FBXL5: variants seen among roughly 807,000 people sequenced by gnomAD.
FBXL5 encodes F-box/LRR-repeat protein 5.
FBXL5 carries 26 observed loss-of-function variants against 78.3 expected under a neutral mutation model. The ratio of observed to expected loss-of-function variants is 0.33; its 90% CI spans 0.24 to 0.46. The LOEUF is 0.46. Among genes scored for constraint, FBXL5 ranks in the 20% least tolerant of loss-of-function variants. The pLI, the probability that FBXL5 is intolerant of heterozygous loss-of-function variation, is 1.00. For missense variants in FBXL5, 710 were observed against 829.2 expected (o/e 0.86, Z 1.77); for synonymous variants, 295 against 282.5 (o/e 1.04, Z -0.45).
intron 6 of FBXL5, among the ~76,000 whole-genome samples, chr4:15,628,319 G>T (rs1713276047): frequency 6.6e-6 from 1 of 152,172 alleles, no homozygotes; most frequent in South Asian, 2.1e-4. Flanking sequence ...CACAAAGCTA[G>T]AAAAGATTTG....
chr4:15,667,270 C>T (rs547196131), intron 1 of FBXL5, among the ~76,000 whole-genome samples: 1 of 152,288 alleles, frequency 6.6e-6, no homozygotes, highest in East Asian at 1.9e-4. Flanking sequence ...AAAACATGTA[C>T]AAGTACCTAG....
At chr4:15,655,077 A>T in intron 1 of FBXL5, 127 bp downstream of exon 1, 1 of 635,884 alleles carries the variant, frequency 1.6e-6, no homozygotes, top group Non-Finnish European at 2.1e-6. Context: ...ACAGCTGCGC[A>T]GGCGGCTACT....
At position 15,655,309 on chromosome 4, in the gene FBXL5, C is replaced by T. The variant is rs1395103325; in HGVS notation, c.-22G>A. 2 of 1,379,846 alleles carry T rather than the reference C, an allele frequency of 1.4e-6. No homozygotes were observed. Among genetic ancestry groups the T allele is most frequent in the East Asian group, 3.4e-5 (1 of 29,042 alleles). The allele number at this position is 1,379,846 out of a possible 1,614,324, so 85.5% of individuals were successfully genotyped here. On this transcript the variant is annotated 5_prime_UTR_variant, in exon 1 of 11. Coordinates refer to ENST00000341285, the MANE Select transcript of FBXL5 (RefSeq NM_012161.4). ...CCATCGCCACTGCCTCAGCCTCCGCCTCAGCAGCCGCGGCCGCCGCCTCTC... is the reference window on the plus strand; with the variant it reads ...CCATCGCCACTGCCTCAGCCTCCGCTTCAGCAGCCGCGGCCGCCGCCTCTC...
At chr4:15,652,467 G>C (rs1376661064) in intron 1 of FBXL5, among the ~76,000 whole-genome samples, 4 of 152,026 alleles carry the variant, frequency 2.6e-5, no homozygotes, top group Admixed American at 2.6e-4. Context: ...GGATAACAAA[G>C]GTGAAAAACC....
intron 1 of FBXL5, among the ~76,000 whole-genome samples, chr4:15,679,739 T>C (rs1383087427): frequency 2.0e-5 from 3 of 151,794 alleles, no homozygotes; most frequent in Non-Finnish European, 4.4e-5. Flanking sequence ...AAAATCCCAA[T>C]TATATTCCTG....
chr4:15,671,305 C>T (rs1264963203), intron 1 of FBXL5, among the ~76,000 whole-genome samples: 2 of 152,040 alleles, frequency 1.3e-5, no homozygotes, highest in Admixed American at 1.3e-4. Flanking sequence ...TCAAATTGTT[C>T]CCTATAAGAA....
In FBXL5 at chr4:15,605,164, C is replaced by G. The variant is rs1201184858; in HGVS notation, c.*559G>C. ...TATCGATTGGTGCTTTCCTAGCTCACTGAGCTAACACTCAGAAGCCAATTT... is the reference window on the plus strand; with the variant it reads ...TATCGATTGGTGCTTTCCTAGCTCAGTGAGCTAACACTCAGAAGCCAATTT... On this transcript the variant is annotated 3_prime_UTR_variant, in exon 11 of 11. Coordinates refer to ENST00000341285, the MANE Select transcript of FBXL5 (RefSeq NM_012161.4). 1 of 152,680 alleles carries G rather than the reference C, an allele frequency of 6.5e-6. No individual in the cohort carries two copies. Among genetic ancestry groups the G allele is most frequent in the African/African-American group, 2.4e-5 (1 of 41,456 alleles). 9.5% of individuals were successfully genotyped at this position (152,680 alleles called of 1,614,324 possible).
At chr4:15,667,570 CAGG>C (rs1210459312) in intron 1 of FBXL5, among the ~76,000 whole-genome samples, 1 of 151,954 alleles carries the variant, frequency 6.6e-6, no homozygotes, top group African/African-American at 2.4e-5. Context: ...TAGATTGAAA[CAGG>C]AGATCTTTTT....
intron 3 of FBXL5, 118 bp downstream of exon 3, chr4:15,640,660 AAAGAACTGCG>A: frequency 2.2e-6 from 1 of 457,964 alleles, no homozygotes. Flanking sequence ...TTTTTCCCAA[AAAGAACTGCG>A]TTCTTCTCTC....
chr4:15,644,729 A>AAAAGTGT (rs2148668817), intron 1 of FBXL5, 21 bp from the exon 2 acceptor site: 1 of 1,556,940 alleles, frequency 6.4e-7, no homozygotes, highest in South Asian at 1.1e-5. Context: ...ATTTAAAAAG[A>AAAAGTGT]AAAGTGTAAT....
At chr4:15,659,100 G>A (rs949231151), upstream of FBXL5, among the ~76,000 whole-genome samples, 7 of 152,014 alleles carry the variant, frequency 4.6e-5, no homozygotes, top group Non-Finnish European at 1.0e-4. Flanking sequence ...TATATTTAAT[G>A]ACAAAAAATC....
chr4:15,607,852 T>G (rs1199244406), intron 10 of FBXL5, among the ~76,000 whole-genome samples: 1 of 152,304 alleles, frequency 6.6e-6, no homozygotes, highest in East Asian at 1.9e-4. Flanking sequence ...CATTCTAAAT[T>G]TTTTTAAAGA....
At chr4:15,675,874 C>T (rs541228692) in intron 1 of FBXL5, among the ~76,000 whole-genome samples, 1 of 152,242 alleles carries the variant, frequency 6.6e-6, no homozygotes, top group Admixed American at 6.5e-5. Flanking sequence ...TGAGCCACCG[C>T]GCCCAGCCAA....
intron 9 of FBXL5, among the ~76,000 whole-genome samples, chr4:15,623,053 A>C (rs900191279): frequency 1.4e-4 from 21 of 152,174 alleles, no homozygotes; most frequent in African/African-American, 5.1e-4. Flanking sequence ...AATAACAACT[A>C]AAAACCTTTT....
At chr4:15,673,677 T>G (rs1169330083) in intron 1 of FBXL5, among the ~76,000 whole-genome samples, 1 of 152,214 alleles carries the variant, frequency 6.6e-6, no homozygotes, top group East Asian at 1.9e-4. Flanking sequence ...TTTCCTCACA[T>G]GCATACAGTG....
chr4:15,649,740 C>T (rs73241190), intron 1 of FBXL5, among the ~76,000 whole-genome samples: 13,852 of 151,824 alleles, frequency 0.091, 777 homozygotes, highest in Non-Finnish European at 0.12. Flanking sequence ...CTAGGACATA[C>T]GGAAGGAAGC....
At chr4:15,612,826 A>G (rs1026220233) in intron 9 of FBXL5, among the ~76,000 whole-genome samples, 1 of 152,218 alleles carries the variant, frequency 6.6e-6, no homozygotes, top group Non-Finnish European at 1.5e-5. Context: ...TACACCTAGC[A>G]TATGATCCAG....
chr4:15,648,013 C>A (rs1257078237), intron 1 of FBXL5, among the ~76,000 whole-genome samples: 2 of 152,120 alleles, frequency 1.3e-5, no homozygotes, highest in South Asian at 2.1e-4. Flanking sequence ...GTGGTGTGCA[C>A]CACACCCAGT....
chr4:15,611,613 C>T (rs895126112), intron 10 of FBXL5, among the ~76,000 whole-genome samples: 3 of 151,988 alleles, frequency 2.0e-5, no homozygotes, highest in Non-Finnish European at 4.4e-5. Flanking sequence ...TTCAATAAGA[C>T]CACTGTAGGG....
Sources: allele counts gnomAD v4.1 joint callset (sites outside exome capture counted in the v4.1 genomes callset), GRCh38; gene constraint gnomAD v4.1.1; transcripts MANE v1.5; gene names NCBI Gene and HGNC (gene_info 2026-07-23, HGNC 2026-07-21).